ARK2N: variants seen among roughly 807,000 people sequenced by gnomAD.
ARK2N encodes arkadia (RNF111) N-terminal like PKA signaling regulator 2N, also known as protein ARK2N.
At chr18:46,211,917 C>G in the ARK2N span, among the ~76,000 whole-genome samples, 2 of 152,194 alleles carry the variant, frequency 1.3e-5, no homozygotes, top group South Asian at 4.2e-4. Flanking sequence ...CTTGACTGTT[C>G]CTACCAGAAA....
the ARK2N span, among the ~76,000 whole-genome samples, chr18:46,201,782 T>TTCTTTTC: frequency 6.7e-6 from 1 of 148,802 alleles, no homozygotes; most frequent in African/African-American, 2.5e-5. Flanking sequence ...TTCTTTTCTT[T>TTCTTTTC]TTTTTTTTTT....
At chr18:46,184,715 C>G in the ARK2N span, among the ~76,000 whole-genome samples, 53 of 151,922 alleles carry the variant, frequency 3.5e-4, no homozygotes, top group Middle Eastern at 3.4e-3. Context: ...GAAGTGAGAC[C>G]CTGTCTCTAA....
the ARK2N span, among the ~76,000 whole-genome samples, chr18:46,207,655 TG>T: frequency 1.3e-5 from 2 of 152,250 alleles, no homozygotes; most frequent in African/African-American, 4.8e-5. Context: ...CCCAAAGTGC[TG>T]GGATTACAGG....
the ARK2N span, among the ~76,000 whole-genome samples, chr18:46,206,596 T>G: frequency 1.3e-5 from 2 of 152,206 alleles, no homozygotes; most frequent in Non-Finnish European, 2.9e-5. Flanking sequence ...TCTCAGACAT[T>G]AAACACTAAC....
At chr18:46,206,826 G>A in the ARK2N span, among the ~76,000 whole-genome samples, 1 of 152,074 alleles carries the variant, frequency 6.6e-6, no homozygotes, top group African/African-American at 2.4e-5. Flanking sequence ...ACCCAGGCTG[G>A]AGTGCAGTGG....
the ARK2N span, chr18:46,240,328 C>A: frequency 1.1e-6 from 1 of 905,664 alleles, no homozygotes; most frequent in African/African-American, 1.7e-5. Context: ...ACTATCCAGG[C>A]TGCCATTTAT....
At chr18:46,184,151 T>C in the ARK2N span, among the ~76,000 whole-genome samples, 1 of 152,102 alleles carries the variant, frequency 6.6e-6, no homozygotes, top group Non-Finnish European at 1.5e-5. Context: ...CCACCACGCT[T>C]GGCTAATTTT....
the ARK2N span, among the ~76,000 whole-genome samples, chr18:46,246,659 T>TATAAGAGCAGACCCC: frequency 5.5e-5 from 1 of 18,142 alleles, no homozygotes; most frequent in Non-Finnish European, 1.6e-4. Context: ...GAGCAGACCC[T>TATAAGAGCAGACCCC]AGGCTAGGCG....
the ARK2N span, among the ~76,000 whole-genome samples, chr18:46,187,117 G>A: frequency 1.3e-5 from 2 of 151,536 alleles, no homozygotes; most frequent in Non-Finnish European, 2.9e-5. Flanking sequence ...GCCTCCCAAA[G>A]TGCTGGGATT....
the ARK2N span, among the ~76,000 whole-genome samples, chr18:46,205,455 C>T: frequency 6.6e-6 from 1 of 152,114 alleles, no homozygotes; most frequent in African/African-American, 2.4e-5. Flanking sequence ...TGTTAACAAT[C>T]AAAAAAGCGC....
chr18:46,183,177 G>GT, the ARK2N span, among the ~76,000 whole-genome samples: 3 of 152,006 alleles, frequency 2.0e-5, no homozygotes, highest in East Asian at 5.8e-4. Flanking sequence ...GCCAAATAAG[G>GT]TCTCTGCATT....
the ARK2N span, among the ~76,000 whole-genome samples, chr18:46,249,594 A>C: frequency 6.6e-6 from 1 of 152,200 alleles, no homozygotes; most frequent in African/African-American, 2.4e-5. Flanking sequence ...TACTCTCTGC[A>C]GATGGCCTTG....
the ARK2N span, among the ~76,000 whole-genome samples, chr18:46,227,293 A>G: frequency 1.3e-5 from 2 of 152,216 alleles, no homozygotes; most frequent in Non-Finnish European, 2.9e-5. Flanking sequence ...TCGATGTCTC[A>G]ATATTTCTTA....
At chr18:46,266,987 C>T in the ARK2N span, 1 of 139,870 alleles carries the variant, frequency 7.1e-6, no homozygotes, top group Non-Finnish European at 1.5e-5. Flanking sequence ...TGTATTTAAA[C>T]AATGATATCT....
At chr18:46,201,633 G>T in the ARK2N span, among the ~76,000 whole-genome samples, 1 of 152,066 alleles carries the variant, frequency 6.6e-6, no homozygotes, top group East Asian at 1.9e-4. Context: ...TGATCTCCCA[G>T]CATTGACCTA....
At chr18:46,198,263 C>T in the ARK2N span, among the ~76,000 whole-genome samples, 5 of 141,382 alleles carry the variant, frequency 3.5e-5, no homozygotes, top group Admixed American at 7.4e-5. Context: ...GAGCCGAGAT[C>T]GCCCCCACTG....
the ARK2N span, chr18:46,217,595 C>G: frequency 1.3e-5 from 2 of 152,102 alleles, no homozygotes; most frequent in Non-Finnish European, 2.9e-5. Flanking sequence ...TGCTGATATA[C>G]AAAGAACATT....
the ARK2N span, among the ~76,000 whole-genome samples, chr18:46,239,630 G>T: frequency 6.6e-6 from 1 of 151,786 alleles, no homozygotes; most frequent in Admixed American, 6.6e-5. Flanking sequence ...ATATAAATTG[G>T]GTTTTAATAA....
At chr18:46,237,805 A>G in the ARK2N span, among the ~76,000 whole-genome samples, 3 of 152,218 alleles carry the variant, frequency 2.0e-5, no homozygotes, top group Admixed American at 6.5e-5. Flanking sequence ...TGGAAGGACA[A>G]CCATTTCATT....
Sources: allele counts gnomAD v4.1 joint callset (sites outside exome capture counted in the v4.1 genomes callset), GRCh38; gene constraint gnomAD v4.1.1; transcripts MANE v1.5; gene names NCBI Gene and HGNC (gene_info 2026-07-23, HGNC 2026-07-21).